Variants in RNF130 observed in about 807,000 individuals in gnomAD.
RNF130 encodes ring finger protein 130.
In RNF130, 21 loss-of-function variants were observed where a neutral mutation model predicts 44.6. That is an observed-to-expected ratio of 0.47 (90% CI 0.33 to 0.68). RNF130 has a LOEUF of 0.68. Among genes scored for constraint, RNF130 ranks in the 30% least tolerant of loss-of-function variants. The probability of loss-of-function intolerance (pLI) is 0.02; values close to 1 mark genes in which losing one functional copy is unlikely to be tolerated. For missense variants in RNF130, 479 were observed against 560.6 expected (o/e 0.85, Z 1.47); for synonymous variants, 214 against 210.4 (o/e 1.02, Z -0.15).
chr5:180,064,433 G>T (rs1449737117), intron 1 of RNF130, among the ~76,000 whole-genome samples: 4 of 152,144 alleles, frequency 2.6e-5, no homozygotes, highest in Non-Finnish European at 2.9e-5. Flanking sequence ...ATAGTCCCCA[G>T]AGGCAACCAC....
intron 1 of RNF130, among the ~76,000 whole-genome samples, chr5:180,041,512 G>T (rs1489304500): frequency 6.7e-6 from 1 of 150,258 alleles, no homozygotes; most frequent in African/African-American, 2.5e-5. Context: ...CATGGTTCTG[G>T]CATCCTCTGC....
chr5:180,069,330 T>A (rs1463516939), intron 1 of RNF130, among the ~76,000 whole-genome samples: 1 of 152,142 alleles, frequency 6.6e-6, no homozygotes, highest in Non-Finnish European at 1.5e-5. Flanking sequence ...CAATTAATAT[T>A]TGCTGGACTG....
chr5:180,023,470 T>C (rs1477080278), intron 2 of RNF130, among the ~76,000 whole-genome samples: 2 of 152,166 alleles, frequency 1.3e-5, no homozygotes, highest in Non-Finnish European at 2.9e-5. Flanking sequence ...GCAGAAAATA[T>C]ATGCAAAAGG....
At chr5:180,065,418 T>A (rs907853556) in intron 1 of RNF130, among the ~76,000 whole-genome samples, 12 of 152,122 alleles carry the variant, frequency 7.9e-5, no homozygotes, top group African/African-American at 2.7e-4. Flanking sequence ...AGTGGATATA[T>A]CATAATTTAT....
chr5:179,916,246 C>A (rs1437431918), exon 8 of RNF130: 1 of 152,138 alleles, frequency 6.6e-6, no homozygotes, highest in African/African-American at 2.4e-5. Flanking sequence ...AAACTAGCTT[C>A]AGCCGGGCGT....
At chr5:179,960,858 A>T (rs1412109198) in intron 8 of RNF130, among the ~76,000 whole-genome samples, 1 of 148,502 alleles carries the variant, frequency 6.7e-6, no homozygotes, top group Non-Finnish European at 1.5e-5. Flanking sequence ...AAAAAAAAAA[A>T]TCTTATTTTG....
chr5:180,034,473 C>G (rs1178488489), intron 2 of RNF130, among the ~76,000 whole-genome samples: 1 of 151,966 alleles, frequency 6.6e-6, no homozygotes, highest in African/African-American at 2.4e-5. Flanking sequence ...TAGACTGCAC[C>G]AGCGAATTTC....
intron 2 of RNF130, among the ~76,000 whole-genome samples, chr5:180,025,488 C>G (rs956872133): frequency 6.6e-6 from 1 of 152,094 alleles, no homozygotes; most frequent in Non-Finnish European, 1.5e-5. Context: ...CTCTCCAGTT[C>G]CACTTCAGAT....
exon 8 of RNF130, chr5:179,918,917 T>C (rs1393938111): frequency 6.6e-6 from 1 of 152,198 alleles, no homozygotes; most frequent in Non-Finnish European, 1.5e-5. Context: ...AAGCTGCACG[T>C]GGAAAAATGG....
At chr5:179,954,504 A>C (rs566377939), downstream of RNF130, among the ~76,000 whole-genome samples, 28 of 152,336 alleles carry the variant, frequency 1.8e-4, no homozygotes, top group Middle Eastern at 3.4e-3. Context: ...TATTTACATG[A>C]AATGCCCAGA....
intron 2 of RNF130, among the ~76,000 whole-genome samples, chr5:180,027,907 C>T (rs962953249): frequency 2.0e-5 from 3 of 152,236 alleles, no homozygotes; most frequent in Non-Finnish European, 4.4e-5. Context: ...CACCCCAGTG[C>T]AGCGCTGGAA....
chr5:179,999,523 A>G (rs965434769), intron 3 of RNF130, among the ~76,000 whole-genome samples: 2 of 151,818 alleles, frequency 1.3e-5, no homozygotes, highest in Non-Finnish European at 2.9e-5. Context: ...GGATTTCGAG[A>G]TCAGCCTGGC....
exon 8 of RNF130, chr5:179,914,093 A>G (rs1761506612): frequency 6.6e-6 from 1 of 152,228 alleles, no homozygotes; most frequent in Non-Finnish European, 1.5e-5. Flanking sequence ...GAATATTACA[A>G]TCAACAGCCT....
intron 1 of RNF130, among the ~76,000 whole-genome samples, chr5:180,050,352 C>A (rs1764659830): frequency 6.6e-6 from 1 of 152,198 alleles, no homozygotes; most frequent in African/African-American, 2.4e-5. Context: ...CAGGAGGAAA[C>A]CCCTCTGACT....
chr5:180,055,738 T>G (rs1764803553), intron 1 of RNF130, among the ~76,000 whole-genome samples: 2 of 152,058 alleles, frequency 1.3e-5, no homozygotes, highest in Non-Finnish European at 2.9e-5. Flanking sequence ...AAAAATAAAC[T>G]GGTAGAGCTG....
chr5:179,913,356 G>C (rs1049387287), exon 8 of RNF130: 3 of 148,002 alleles, frequency 2.0e-5, no homozygotes, highest in Non-Finnish European at 4.4e-5. Context: ...GTTCAAAGGT[G>C]CTTTTTTTTT....
intron 7 of RNF130, among the ~76,000 whole-genome samples, chr5:179,948,720 G>A (rs1016933899): frequency 6.6e-6 from 1 of 152,058 alleles, no homozygotes; most frequent in African/African-American, 2.4e-5. Flanking sequence ...AAGGAACTTG[G>A]CATAACTAAA....
chr5:180,068,934 C>T (rs1481688511), intron 1 of RNF130, among the ~76,000 whole-genome samples: 2 of 152,126 alleles, frequency 1.3e-5, no homozygotes, highest in Non-Finnish European at 2.9e-5. Flanking sequence ...GAATTCTCCT[C>T]AATTCAAAAT....
chr5:180,007,281 G>A (rs753640867), intron 3 of RNF130, among the ~76,000 whole-genome samples: 1 of 152,056 alleles, frequency 6.6e-6, no homozygotes, highest in African/African-American at 2.4e-5. Flanking sequence ...CACATCTTTA[G>A]TCCCAGCTAC....
Sources: allele counts gnomAD v4.1 joint callset (sites outside exome capture counted in the v4.1 genomes callset), GRCh38; gene constraint gnomAD v4.1.1; transcripts MANE v1.5; gene names NCBI Gene and HGNC (gene_info 2026-07-23, HGNC 2026-07-21).